Variants in GABRG1 observed in about 807,000 individuals in gnomAD.
The protein encoded by GABRG1 is gamma-aminobutyric acid receptor subunit gamma-1.
Under a neutral mutation model 49.8 loss-of-function variants are expected in GABRG1, and 49 were observed. The ratio of observed to expected loss-of-function variants is 0.98; its 90% CI spans 0.78 to 1.25. GABRG1 has a LOEUF of 1.25. Ranked by LOEUF, GABRG1 falls within the 50% of genes most tolerant of loss-of-function variation. The pLI, the probability that GABRG1 is intolerant of heterozygous loss-of-function variation, is 0.00. For synonymous variants in GABRG1, 232 were observed against 185.1 expected (o/e 1.25, Z -2.06); for missense variants, 552 against 552.3 (o/e 1.00, Z 0.01).
intron 7 of GABRG1, among the ~76,000 whole-genome samples, chr4:46,052,231 A>ATT (rs1560350136): frequency 2.0e-5 from 3 of 150,566 alleles, no homozygotes; most frequent in Admixed American, 1.3e-4. Context: ...CTTGAAATAA[A>ATT]AAAAAAAAAG....
chr4:46,089,138 C>A (rs1468938045), intron 2 of GABRG1, among the ~76,000 whole-genome samples: 2 of 151,926 alleles, frequency 1.3e-5, no homozygotes, highest in African/African-American at 4.8e-5. Context: ...TGTGCATCAG[C>A]AGCACATATC....
At chr4:46,107,045 C>T (rs527712429) in intron 1 of GABRG1, among the ~76,000 whole-genome samples, 2 of 151,324 alleles carry the variant, frequency 1.3e-5, no homozygotes, top group East Asian at 3.9e-4. Flanking sequence ...AAGCATTTAT[C>T]CTTTGAGTTA....
At chr4:46,093,047 C>A in intron 2 of GABRG1, among the ~76,000 whole-genome samples, 1 of 128,726 alleles carries the variant, frequency 7.8e-6, no homozygotes, top group Non-Finnish European at 1.6e-5. Flanking sequence ...CCAGCCTGGG[C>A]AACAACAGCG....
At position 46,036,838 on chromosome 4, in the gene GABRG1, T is replaced by TA. The variant is rs1388829198; in HGVS notation, c.*4149dup. 1 of 152,030 alleles carries TA rather than the reference T, an allele frequency of 6.6e-6. No individual in the cohort carries two copies. The highest frequency in any genetic ancestry group is 1.5e-5 in the Non-Finnish European group (1 of 67,916). The allele number at this position is 152,030 out of a possible 1,614,324, so 9.4% of individuals were successfully genotyped here. ...TACTCAAGTATCTCTGTGAACTTTT[T>TA]ATGACTTCGTAATTTCCCCTAGCCT... is the stretch of plus-strand genomic sequence containing the variant. On this transcript the variant is annotated 3_prime_UTR_variant, in exon 9 of 9. Transcript: ENST00000295452.
At chr4:46,093,633 C>G (rs1408185192) in intron 2 of GABRG1, among the ~76,000 whole-genome samples, 2 of 151,836 alleles carry the variant, frequency 1.3e-5, no homozygotes, top group Non-Finnish European at 2.9e-5. Flanking sequence ...GATAAATACT[C>G]GAGGTGACTA....
chr4:46,076,908 C>G (rs1284039489), intron 3 of GABRG1, among the ~76,000 whole-genome samples: 1 of 151,192 alleles, frequency 6.6e-6, no homozygotes, highest in Non-Finnish European at 1.5e-5. Context: ...TATATATAGC[C>G]TGAAGAAATA....
At chr4:46,091,730 A>T (rs1292055735) in intron 2 of GABRG1, among the ~76,000 whole-genome samples, 1 of 152,074 alleles carries the variant, frequency 6.6e-6, no homozygotes. Context: ...CCGCAAGTGG[A>T]GTTGCAGAGA....
intron 1 of GABRG1, among the ~76,000 whole-genome samples, chr4:46,117,709 T>C (rs1720952197): frequency 6.9e-6 from 1 of 144,574 alleles, no homozygotes; most frequent in Admixed American, 7.0e-5. Flanking sequence ...TATATATACA[T>C]ACATGTATAT....
rs1014490607 is a variant in GABRG1 at position 46,035,863 on chromosome 4, C to A, written c.*5125G>T. The A allele has an allele frequency of 6.6e-6, 1 of 151,824 alleles. No homozygotes were observed. Among genetic ancestry groups the A allele is most frequent in the South Asian group, 2.1e-4 (1 of 4,826 alleles). The allele number at this position is 151,824 out of a possible 1,614,324, so 9.4% of individuals were successfully genotyped here. On this transcript the variant is annotated 3_prime_UTR_variant, in exon 9 of 9. Transcript: ENST00000295452. ...TAAAGAACACTGAAAAATTGAGACA[C>A]CTTTGCCACAAAATTACAAATGTTC...
At chr4:46,071,694 G>A (rs1719129640) in intron 3 of GABRG1, among the ~76,000 whole-genome samples, 1 of 151,128 alleles carries the variant, frequency 6.6e-6, no homozygotes, top group South Asian at 2.1e-4. Context: ...TAATGTGTAG[G>A]ATTTTTAGTT....
In GABRG1 at chr4:46,097,344, T is replaced by C. The variant is rs756105995; in HGVS notation, c.110A>G (p.Asp37Gly). 3.7e-6 allele frequency: 6 copies of C among 1,605,262 alleles called. No individual in the cohort carries two copies. The highest frequency in any genetic ancestry group is 1.7e-4 in the Middle Eastern group (1 of 6,004). The change falls in exon 2 of 9, where the codon GAT becomes GGT. Residue 37 changes from aspartate (D) to glycine (G), a missense_variant. Physicochemically the swap from Asp to Gly is moderately conservative, Grantham distance 94. Transcript: ENST00000295452. ...CTCATCATCTTCATCATCTGCCTTA[T>C]CAACACTAAATAATTCAAAGAAAAA... is the stretch of plus-strand genomic sequence containing the variant. ...LLTLHLGNCVDKADDEDDEDL... is the reference protein window; with the variant it reads ...LLTLHLGNCVGKADDEDDEDL...
chr4:46,100,271 TGAG>T (rs1383493275), intron 1 of GABRG1, among the ~76,000 whole-genome samples: 2 of 151,482 alleles, frequency 1.3e-5, no homozygotes, highest in African/African-American at 4.8e-5. Flanking sequence ...AGCTAAATGA[TGAG>T]AACACATCGA....
rs540266821 is a variant in GABRG1, at chr4:46,048,991, A to G, written c.1131+2433T>C. Among the ~76,000 whole-genome samples, 7 of 151,988 alleles carry G rather than the reference A, an allele frequency of 4.6e-5. No individual in the cohort carries two copies. The South Asian group carries it at 1.0e-3, about 22-fold the overall frequency. On this transcript the variant is annotated intron_variant, in intron 8 of 8. Coordinates refer to ENST00000295452, the MANE Select transcript of GABRG1 (RefSeq NM_173536.4). ...TTAATAACAGAATTGTTGACCTTTC[A>G]GCAACTCTCTAGCCAAAGTATTGCA...
intron 1 of GABRG1, among the ~76,000 whole-genome samples, chr4:46,107,635 TTAAA>T (rs148175120): frequency 0.012 from 1,851 of 151,228 alleles, 41 homozygotes; most frequent in African/African-American, 0.043. Flanking sequence ...TTTTGAATCA[TTAAA>T]TAGAAATGAT....
rs1181080982 is a variant in GABRG1 at position 46,040,769 on chromosome 4, T to C, written c.*219A>G. The stretch of plus-strand genomic sequence containing the variant: ...AAATTTAAGTAAAAATATGTGAGTA[T>C]TTTAACCTACTGGATTTTGCAACTA... On this transcript the variant is annotated 3_prime_UTR_variant, in exon 9 of 9. Coordinates refer to ENST00000295452, the MANE Select transcript of GABRG1 (RefSeq NM_173536.4). 5.2e-6 allele frequency: 2 copies of C among 386,024 alleles called. No individual in the cohort carries two copies. The highest frequency in any genetic ancestry group is 9.1e-6 in the Non-Finnish European group (2 of 219,260). 23.9% of individuals were successfully genotyped at this position (386,024 alleles called of 1,614,324 possible).
intron 1 of GABRG1, among the ~76,000 whole-genome samples, chr4:46,111,384 G>T (rs1453146333): frequency 1.3e-5 from 2 of 150,964 alleles, no homozygotes; most frequent in East Asian, 3.9e-4. Context: ...TCATGGATTG[G>T]AATAAACAAT....
intron 8 of GABRG1, among the ~76,000 whole-genome samples, chr4:46,042,416 A>G (rs567293504): frequency 2.6e-4 from 40 of 151,970 alleles, no homozygotes; most frequent in Admixed American, 5.9e-4. Flanking sequence ...TCAGAATTCA[A>G]CATATTTTGA....
chr4:46,086,672 A>G (rs1213996213), intron 2 of GABRG1, among the ~76,000 whole-genome samples: 3 of 151,530 alleles, frequency 2.0e-5, no homozygotes, highest in African/African-American at 7.3e-5. Context: ...TATGTTATAT[A>G]AATTTTACTT....
At chr4:46,092,323 C>T (rs2109428399) in intron 2 of GABRG1, among the ~76,000 whole-genome samples, 1 of 151,924 alleles carries the variant, frequency 6.6e-6, no homozygotes, top group East Asian at 1.9e-4. Context: ...GACATAATAG[C>T]AAAATGACAC....
Sources: gnomAD v4.1 joint callset for allele counts (sites outside exome capture counted in the v4.1 genomes callset) on GRCh38, gnomAD v4.1.1 for gene constraint, MANE v1.5 for transcripts, NCBI Gene and HGNC (gene_info 2026-07-23, HGNC 2026-07-21) for gene names.